The following EVC variants were observed in gnomAD, a reference collection of about 807,000 sequenced individuals.
The protein encoded by EVC is evC complex member EVC.
In EVC, 116 loss-of-function variants were observed where a neutral mutation model predicts 118.9. The ratio of observed to expected loss-of-function variants is 0.98; its 90% CI spans 0.84 to 1.14. The LOEUF (loss-of-function observed/expected upper bound fraction) is 1.14. EVC is among the 50% of genes most tolerant of loss of function. The pLI is 0.00. For missense variants in EVC, 1,401 were observed against 1,246.4 expected (o/e 1.12, Z -1.87); for synonymous variants, 619 against 534.7 (o/e 1.16, Z -2.18).
In EVC at chr4:5,798,487, C is replaced by G; in HGVS notation, c.2098-99C>G. ...CCCTTTCTCCATCCCTTTTCCAACC[C>G]CTGGGCCCTGGATAGGACCAGCCCC... is the stretch of plus-strand genomic sequence containing the variant. On this transcript the variant is annotated intron_variant, in intron 14 of 20. Coordinates refer to ENST00000264956, the MANE Select transcript of EVC (RefSeq NM_153717.3). This position sits in a 1 kb window ranked among gnomAD's most constrained non-coding sequence, Gnocchi z 4.1. The G allele has an allele frequency of 7.9e-6, 10 of 1,268,894 alleles. No individual in the cohort carries two copies. The highest frequency in any genetic ancestry group is 1.1e-5 in the Non-Finnish European group (10 of 892,986). The allele number at this position is 1,268,894 out of a possible 1,614,324, so 78.6% of individuals were successfully genotyped here. A position where few individuals can be genotyped will look rare whatever the true frequency, so the allele number is the denominator to read the frequency against.
intron 11 of EVC, among the ~76,000 whole-genome samples, chr4:5,770,133 C>T (rs891510542): frequency 6.6e-6 from 1 of 152,112 alleles, no homozygotes; most frequent in Non-Finnish European, 1.5e-5. Context: ...CTTACTCCCC[C>T]TGGCCACAAT....
intron 2 of EVC, among the ~76,000 whole-genome samples, chr4:5,722,320 C>A (rs1725094551): frequency 6.6e-6 from 1 of 152,240 alleles, no homozygotes; most frequent in South Asian, 2.1e-4. Flanking sequence ...GTCTTGTTCA[C>A]TATTCAGCTA....
chr4:5,764,515 GT>G (rs1172887982), intron 11 of EVC, among the ~76,000 whole-genome samples: 2 of 148,438 alleles, frequency 1.3e-5, no homozygotes, highest in Non-Finnish European at 3.0e-5. Context: ...GAATTCGGCT[GT>G]GAATCCATCT....
At chr4:5,722,116 T>A (rs553997198) in intron 2 of EVC, among the ~76,000 whole-genome samples, 28 of 152,248 alleles carry the variant, frequency 1.8e-4, no homozygotes, top group Admixed American at 1.6e-3. Flanking sequence ...GCAGGAAGCA[T>A]AACCTGTCTG....
Position 5,802,107 on chromosome 4 carries a change from C to G in EVC, c.2449+13C>G, listed in dbSNP as rs367626044. On this transcript the variant is annotated intron_variant, in intron 16 of 20. Transcript: ENST00000264956. Reference sequence around the variant, plus strand: ...AAGACCCTGCAGGGTACGGGACCCCCCCTCAGGGAAGCCCCAGAAGAGACT... The same window carrying G: ...AAGACCCTGCAGGGTACGGGACCCCGCCTCAGGGAAGCCCCAGAAGAGACT... The G allele has an allele frequency of 5.6e-6, 9 of 1,614,044 alleles. No individual in the cohort carries two copies. The highest frequency in any genetic ancestry group is 3.3e-5 in the South Asian group (3 of 91,076).
At chr4:5,810,568 AG>A (rs1232443816) in intron 20 of EVC, 118 bp downstream of exon 20, 16 of 790,784 alleles carry the variant, frequency 2.0e-5, no homozygotes, top group Non-Finnish European at 3.3e-5. Context: ...TTAAATGTGA[AG>A]GTTCAAGAAA....
At chr4:5,769,593 T>A (rs1368653409) in intron 11 of EVC, among the ~76,000 whole-genome samples, 1 of 152,152 alleles carries the variant, frequency 6.6e-6, no homozygotes. Flanking sequence ...CCAAAGCCAG[T>A]GTCATCCCAA....
Position 5,719,316 on chromosome 4 carries a change from C to T in EVC, c.243C>T (p.Ser81=), listed in dbSNP as rs758262726. The T allele has an allele frequency of 6.2e-7, 1 of 1,614,156 alleles. No homozygotes were observed. The highest frequency in any genetic ancestry group is 8.5e-7 in the Non-Finnish European group (1 of 1,180,034). The change falls in exon 2 of 21, where the codon TCC becomes TCT. Residue 81 remains serine (S), a synonymous_variant. Coordinates refer to ENST00000264956, the MANE Select transcript of EVC (RefSeq NM_153717.3). This position sits in a 1 kb window ranked among gnomAD's most constrained non-coding sequence, Gnocchi z 4.7. ...CGCAGACCCCCTCGGAAACTGGCTC[C>T]CCATCAAGGAGGAGGAAGAGAGAAG... is the stretch of plus-strand genomic sequence containing the variant. ...SNAQTPSETG[S]PSRRRKREVQ... is the part of the protein sequence containing the mutation.
Position 5,797,152 on chromosome 4 carries a change from G to C in EVC, c.2017G>C (p.Glu673Gln). ...ATCGGGGAAGAAGCACCTCCTGCAG[G>C]AGCTGCGGGAACAGCGTGCACTGGA... ...RLSGKKHLLQ[E>Q]LREQRALEQG... Residue 673 changes from glutamate to glutamine, a missense_variant, in exon 14 of 21, where the codon GAG (glutamate) becomes CAG (glutamine). By Grantham distance (29) the Glu-to-Gln change is conservative (BLOSUM62 2). Coordinates refer to ENST00000264956, the MANE Select transcript of EVC (RefSeq NM_153717.3). The C allele has an allele frequency of 6.2e-7, 1 of 1,613,620 alleles. No individual in the cohort carries two copies. The highest frequency in any genetic ancestry group is 8.5e-7 in the Non-Finnish European group (1 of 1,180,012).
chr4:5,804,932 C>T lies in EVC; in HGVS notation c.2561+91C>T, dbSNP rs945499333. 1.9e-5 allele frequency: 22 copies of T among 1,144,722 alleles called. 1 individual carries two copies. The highest frequency in any genetic ancestry group is 1.1e-4 in the South Asian group (9 of 78,684). 70.9% of individuals were successfully genotyped at this position (1,144,722 alleles called of 1,614,324 possible). On this transcript the variant is annotated intron_variant, in intron 17 of 20. Transcript: ENST00000264956. Reference sequence around the variant, plus strand: ...GTGGTGCCGTCAGCAGGTGCCGTCGCGTGCATTGCCCGTGGACTTGGGGGC... The same window carrying T: ...GTGGTGCCGTCAGCAGGTGCCGTCGTGTGCATTGCCCGTGGACTTGGGGGC...
intron 11 of EVC, among the ~76,000 whole-genome samples, chr4:5,773,651 A>G (rs1038098311): frequency 3.9e-5 from 6 of 152,076 alleles, no homozygotes; most frequent in Non-Finnish European, 2.9e-5. Context: ...GATCCCCCAT[A>G]GTCCCTGCAG....
intron 12 of EVC, among the ~76,000 whole-genome samples, chr4:5,791,518 CAG>C (rs2152318764): frequency 6.6e-6 from 1 of 152,264 alleles, no homozygotes; most frequent in Non-Finnish European, 1.5e-5. Flanking sequence ...TCCAGGAAGG[CAG>C]AGAGAACACT....
chr4:5,759,544 C>T (rs539701462), intron 11 of EVC, among the ~76,000 whole-genome samples: 6 of 152,164 alleles, frequency 3.9e-5, no homozygotes, highest in African/African-American at 1.2e-4. Flanking sequence ...CTCCTCACCC[C>T]CTATGGTAGC....
At chr4:5,825,538 G>C in the EVC span, 1 of 1,593,478 alleles carries the variant, frequency 6.3e-7, no homozygotes, top group African/African-American at 1.4e-5. The surrounding 1 kb of genome is among the most constrained non-coding windows in gnomAD (Gnocchi z 4.4). Context: ...GATGGGTGGG[G>C]GCTGGTGTTT....
intron 8 of EVC, among the ~76,000 whole-genome samples, 160 bp downstream of exon 8, chr4:5,748,466 A>T (rs963196036): frequency 1.3e-5 from 2 of 152,122 alleles, no homozygotes; most frequent in Admixed American, 1.3e-4. Context: ...TCATTCATCC[A>T]TTTATTTATT....
intron 11 of EVC, among the ~76,000 whole-genome samples, chr4:5,783,206 G>C (rs1304780415): frequency 6.6e-6 from 1 of 152,040 alleles, no homozygotes; most frequent in Non-Finnish European, 1.5e-5. Context: ...TGTGTGCATG[G>C]ATCAAATGTG....
intron 20 of EVC, among the ~76,000 whole-genome samples, chr4:5,810,655 G>A (rs1177485411): frequency 6.6e-6 from 1 of 152,182 alleles, no homozygotes; most frequent in African/African-American, 2.4e-5. Flanking sequence ...TACCCTTCCT[G>A]TTTGTGTCTC....
chr4:5,800,434 C>T (rs994708284), intron 15 of EVC, among the ~76,000 whole-genome samples: 9 of 152,078 alleles, frequency 5.9e-5, no homozygotes, highest in Non-Finnish European at 1.3e-4. Flanking sequence ...CAGGGGCTTC[C>T]TGGAACACTA....
chr4:5,808,159 C>T (rs1560445044), intron 17 of EVC, 42 bp from the exon 18 acceptor site: 2 of 1,265,762 alleles, frequency 1.6e-6, no homozygotes, highest in Non-Finnish European at 2.2e-6. Flanking sequence ...CCCTCCCTCC[C>T]TTCCTTCCTC....
Sources: gnomAD v4.1 joint callset for allele counts (sites outside exome capture counted in the v4.1 genomes callset) on GRCh38, gnomAD v4.1.1 for gene constraint, Gnocchi (gnomAD v3.1) non-coding constraint, MANE v1.5 for transcripts, NCBI Gene and HGNC (gene_info 2026-07-23, HGNC 2026-07-21) for gene names.